Variants in CEP152 observed in about 807,000 individuals in gnomAD.
CEP152 encodes centrosomal protein of 152 kDa.
Under a neutral mutation model 188.9 loss-of-function variants are expected in CEP152, and 132 were observed. The observed-to-expected ratio is 0.70, with a 90% CI of 0.61 to 0.81. CEP152 has a LOEUF of 0.81. CEP152 is among the 30% of genes least tolerant of loss of function. The pLI, the probability that CEP152 is intolerant of heterozygous loss-of-function variation, is 0.00. For synonymous variants in CEP152, 649 were observed against 666.6 expected (o/e 0.97, Z 0.41); for missense variants, 1,914 against 1,969.8 (o/e 0.97, Z 0.54).
At chr15:48,736,153 T>C (rs1484855700), downstream of CEP152, among the ~76,000 whole-genome samples, 2 of 152,194 alleles carry the variant, frequency 1.3e-5, no homozygotes, top group Non-Finnish European at 2.9e-5. Context: ...TCCACACTTC[T>C]GCACCACCCC....
At chr15:48,786,385 C>CAAAA (rs11443555) in intron 9 of CEP152, among the ~76,000 whole-genome samples, 1 of 150,280 alleles carries the variant, frequency 6.7e-6, no homozygotes, top group Non-Finnish European at 1.5e-5. Context: ...GAAAATCAGC[C>CAAAA]AAAAAAAAAG....
intron 12 of CEP152, among the ~76,000 whole-genome samples, 193 bp from the exon 13 acceptor site, chr15:48,772,884 C>T (rs1156647399): frequency 2.6e-5 from 4 of 152,118 alleles, no homozygotes; most frequent in Admixed American, 6.5e-5. Context: ...TACAGAAATA[C>T]GTTTATTCAC....
chr15:48,787,163 G>GTTTTTGTTT (rs1555425524), intron 9 of CEP152, among the ~76,000 whole-genome samples: 3 of 101,500 alleles, frequency 3.0e-5, no homozygotes, highest in South Asian at 7.0e-4. Context: ...TATAGCCTTC[G>GTTTTTGTTT]TTTTTTTTTT....
intron 20 of CEP152, among the ~76,000 whole-genome samples, 167 bp downstream of exon 20, chr15:48,755,736 A>C (rs531309791): frequency 2.3e-4 from 35 of 152,320 alleles, no homozygotes; most frequent in African/African-American, 8.4e-4. Flanking sequence ...TTTGGCAACG[A>C]AACATGCAAA....
chr15:48,797,939 G>C lies in CEP152; in HGVS notation c.191+9C>G. On this transcript the variant is annotated intron_variant, in intron 3 of 26. Transcript: ENST00000380950. The stretch of plus-strand genomic sequence containing the variant: ...CAATATACAAGTGAAAGTGACTTCA[G>C]GTGCTTACTGTCCGTCTGTGCCATC... The C allele has an allele frequency of 1.2e-6, 2 of 1,610,094 alleles. No homozygotes were observed. Among genetic ancestry groups the C allele is most frequent in the South Asian group, 2.2e-5 (2 of 90,866 alleles).
intron 9 of CEP152, among the ~76,000 whole-genome samples, chr15:48,786,236 GGGA>G (rs1004296655): frequency 1.3e-5 from 2 of 152,160 alleles, no homozygotes; most frequent in African/African-American, 4.8e-5. Context: ...TTCCATGAAT[GGGA>G]GGAGGTAAAA....
At chr15:48,796,260 T>G in intron 5 of CEP152, 100 bp from the exon 6 acceptor site, 3 of 1,334,226 alleles carry the variant, frequency 2.2e-6, no homozygotes, top group South Asian at 2.4e-5. Context: ...GAACTTACTT[T>G]TGGTACAGTT....
At chr15:48,793,497 A>G (rs1429712280) in intron 6 of CEP152, 36 bp from the exon 7 acceptor site, 2 of 1,574,536 alleles carry the variant, frequency 1.3e-6, no homozygotes, top group East Asian at 4.5e-5. Context: ...ATAAAAACAT[A>G]CCAAAATATA....
chr15:48,752,807 C>A (rs1459542770), intron 20 of CEP152, among the ~76,000 whole-genome samples: 1 of 152,176 alleles, frequency 6.6e-6, no homozygotes, highest in African/African-American at 2.4e-5. Flanking sequence ...AATATAAAAT[C>A]AGAATTGTTC....
intron 12 of CEP152, among the ~76,000 whole-genome samples, chr15:48,774,562 C>T (rs1315568362): frequency 6.6e-6 from 1 of 152,286 alleles, no homozygotes; most frequent in Non-Finnish European, 1.5e-5. Flanking sequence ...ATGTACAGGG[C>T]AACCCTCAAA....
At chr15:48,733,121 G>A (rs1294045809), downstream of CEP152, among the ~76,000 whole-genome samples, 1 of 151,978 alleles carries the variant, frequency 6.6e-6, no homozygotes, top group Admixed American at 6.6e-5. Flanking sequence ...TGATGTTTTT[G>A]TATCCATTAA....
At chr15:48,732,613 C>A (rs1415987511) in intron 2 of CEP152, among the ~76,000 whole-genome samples, 1 of 148,338 alleles carries the variant, frequency 6.7e-6, no homozygotes. Flanking sequence ...CACCATGGCA[C>A]ACATATACCT....
intron 12 of CEP152, among the ~76,000 whole-genome samples, chr15:48,777,466 T>TTGTGTGTG (rs35650877): frequency 0.063 from 9,302 of 147,384 alleles, 387 homozygotes; most frequent in East Asian, 0.19. Context: ...TCTTAGAATA[T>TTGTGTGTG]TGTGTGTGTG....
rs181276464 is a variant in CEP152 at position 48,809,272 on chromosome 15, T to C, written c.-8+1689A>G. Among the ~76,000 whole-genome samples, 32 of 152,304 alleles carry C rather than the reference T, an allele frequency of 2.1e-4. No individual in the cohort carries two copies. In the East Asian group the frequency reaches 5.4e-3, roughly 26 times the overall value. On this transcript the variant is annotated intron_variant, in intron 1 of 26. Coordinates refer to ENST00000380950, the MANE Select transcript of CEP152 (RefSeq NM_001194998.2). Reference sequence around the variant, plus strand: ...ACCTTATACGAATTCATTACTTCAATAAAATTTTATTGAATACCCACTGTG... The same window carrying C: ...ACCTTATACGAATTCATTACTTCAACAAAATTTTATTGAATACCCACTGTG...
chr15:48,741,784 T>G (rs932467339), intron 25 of CEP152, 80 bp from the exon 26 acceptor site: 91 of 1,610,562 alleles, frequency 5.7e-5, no homozygotes, highest in Non-Finnish European at 7.2e-5. Flanking sequence ...TCTGTTTTCC[T>G]ATTGGCTCTG....
At chr15:48,775,635 CAGA>C (rs1430960541) in intron 12 of CEP152, among the ~76,000 whole-genome samples, 3 of 152,100 alleles carry the variant, frequency 2.0e-5, no homozygotes, top group African/African-American at 7.2e-5. Flanking sequence ...AGAAAATTCA[CAGA>C]AGATCATATT....
At chr15:48,803,753 T>A (rs963789535) in intron 2 of CEP152, among the ~76,000 whole-genome samples, 2 of 152,182 alleles carry the variant, frequency 1.3e-5, no homozygotes, top group African/African-American at 4.8e-5. Flanking sequence ...CCTCTAAAAT[T>A]TTAACCACAC....
intron 2 of CEP152, among the ~76,000 whole-genome samples, chr15:48,730,513 C>A (rs1280042818): frequency 1.3e-5 from 2 of 152,154 alleles, no homozygotes; most frequent in South Asian, 2.1e-4. Flanking sequence ...ATGCTCACCA[C>A]ATATCCCTGA....
chr15:48,747,639 G>A (rs1051847049), intron 22 of CEP152, among the ~76,000 whole-genome samples: 2 of 152,134 alleles, frequency 1.3e-5, no homozygotes, highest in Admixed American at 1.3e-4. Flanking sequence ...AAAAGTACAG[G>A]ACAGAATACA....
Sources: gnomAD v4.1 joint callset for allele counts (sites outside exome capture counted in the v4.1 genomes callset) on GRCh38, gnomAD v4.1.1 for gene constraint, MANE v1.5 for transcripts, NCBI Gene and HGNC (gene_info 2026-07-23, HGNC 2026-07-21) for gene names.